Variants in PXDNL observed in about 807,000 individuals in gnomAD.
The protein encoded by PXDNL is probable oxidoreductase PXDNL.
PXDNL carries 145 observed loss-of-function variants against 150.8 expected under a neutral mutation model. That is an observed-to-expected ratio of 0.96 (90% CI 0.84 to 1.10). PXDNL has a LOEUF of 1.10. PXDNL is among the 50% of genes least tolerant of loss of function. The pLI, the probability that PXDNL is intolerant of heterozygous loss-of-function variation, is 0.00. For synonymous variants in PXDNL, 757 were observed against 725.7 expected (o/e 1.04, Z -0.69); for missense variants, 2,087 against 1,873.9 (o/e 1.11, Z -2.10).
At chr8:51,550,302 TAAAG>T (rs1164832502) in intron 4 of PXDNL, among the ~76,000 whole-genome samples, 1 of 151,874 alleles carries the variant, frequency 6.6e-6, no homozygotes, top group Non-Finnish European at 1.5e-5. Context: ...TTCCAAAAGA[TAAAG>T]AAAGAGGGAA....
chr8:51,407,307 C>CT lies in PXDNL; in HGVS notation c.3557+759dup, dbSNP rs768611712. ...TTAGTTTTGCAAAGAAAGGCCTAAT[C>CT]TTGACAATTGGCTATAGAACTTATA... On this transcript the variant is annotated intron_variant, in intron 17 of 22. Coordinates refer to ENST00000356297, the MANE Select transcript of PXDNL (RefSeq NM_144651.5). Among the ~76,000 whole-genome samples, 132 of 152,262 alleles carry CT rather than the reference C, an allele frequency of 8.7e-4. 1 individual carries two copies. In the Middle Eastern group the frequency reaches 0.014, roughly 16 times the overall value.
intron 1 of PXDNL, among the ~76,000 whole-genome samples, chr8:51,780,481 A>G (rs1296988831): frequency 6.6e-6 from 1 of 152,104 alleles, no homozygotes; most frequent in Non-Finnish European, 1.5e-5. Context: ...TTTATCCTAC[A>G]ATGAGAAACC....
chr8:51,350,453 A>G (rs2915458), intron 19 of PXDNL, among the ~76,000 whole-genome samples: 117,117 of 149,156 alleles, frequency 0.79, 46,011 homozygotes, highest in East Asian at 0.94. Context: ...TCCGCCTCCC[A>G]GGTTCAAGCG....
intron 1 of PXDNL, among the ~76,000 whole-genome samples, chr8:51,745,007 A>T (rs2036967735): frequency 8.7e-6 from 1 of 114,846 alleles, no homozygotes. Context: ...GGAGGGAAGA[A>T]AAGGAAGGAA....
chr8:51,403,977 T>C (rs922636654), intron 17 of PXDNL, among the ~76,000 whole-genome samples: 30 of 152,210 alleles, frequency 2.0e-4, no homozygotes, highest in Admixed American at 2.0e-4. Context: ...GTGGTCTCAC[T>C]GGCTTCAAGA....
chr8:51,728,652 GT>G (rs1816863989), intron 1 of PXDNL, among the ~76,000 whole-genome samples: 2 of 152,000 alleles, frequency 1.3e-5, no homozygotes, highest in Non-Finnish European at 2.9e-5. Flanking sequence ...GAGAAAATAT[GT>G]TTGTACAGCT....
At chr8:51,502,376 G>C (rs1811205188) in intron 4 of PXDNL, among the ~76,000 whole-genome samples, 3 of 152,096 alleles carry the variant, frequency 2.0e-5, no homozygotes, top group Admixed American at 2.0e-4. Context: ...TACTCCACAG[G>C]GAGAAGGAAA....
chr8:51,588,077 C>T (rs1163257999), intron 3 of PXDNL, among the ~76,000 whole-genome samples: 1 of 152,116 alleles, frequency 6.6e-6, no homozygotes, highest in Non-Finnish European at 1.5e-5. Context: ...GACATTAAAG[C>T]TGGGACAAGA....
chr8:51,543,657 A>G (rs149047858), intron 4 of PXDNL, among the ~76,000 whole-genome samples: 3 of 145,460 alleles, frequency 2.1e-5, no homozygotes, highest in Non-Finnish European at 4.5e-5. Flanking sequence ...GGTCACAGTG[A>G]GTCGAGATCA....
At chr8:51,570,448 G>A (rs1290838836) in intron 3 of PXDNL, among the ~76,000 whole-genome samples, 1 of 151,664 alleles carries the variant, frequency 6.6e-6, no homozygotes, top group Non-Finnish European at 1.5e-5. Flanking sequence ...TTGGTCTATT[G>A]TCACCAAGAG....
At chr8:51,404,818 G>A (rs552553990) in intron 17 of PXDNL, among the ~76,000 whole-genome samples, 9 of 152,326 alleles carry the variant, frequency 5.9e-5, no homozygotes, top group East Asian at 1.9e-4. Context: ...CACGCAGTGC[G>A]CCGGCACTCC....
chr8:51,737,348 TG>T (rs745704247), intron 1 of PXDNL, among the ~76,000 whole-genome samples: 12 of 152,270 alleles, frequency 7.9e-5, no homozygotes, highest in Non-Finnish European at 1.2e-4. Context: ...CAAACTTATA[TG>T]CCCAAAAAGA....
intron 1 of PXDNL, among the ~76,000 whole-genome samples, chr8:51,696,821 A>AGGTCCACACATATC (rs56211980): frequency 6.8e-6 from 1 of 145,992 alleles, no homozygotes; most frequent in Non-Finnish European, 1.5e-5. Context: ...ACACACACAC[A>AGGTCCACACATATC]CACACACACA....
At chr8:51,336,848 G>T (rs756334088) in intron 21 of PXDNL, among the ~76,000 whole-genome samples, 2 of 152,142 alleles carry the variant, frequency 1.3e-5, no homozygotes, top group African/African-American at 4.8e-5. Context: ...GTCATAGCTT[G>T]AGTAAGTCTC....
At chr8:51,340,504 C>T (rs1805957125) in intron 20 of PXDNL, among the ~76,000 whole-genome samples, 1 of 152,202 alleles carries the variant, frequency 6.6e-6, no homozygotes, top group Non-Finnish European at 1.5e-5. Context: ...AAAGTTGTTC[C>T]TTGTGAAGAA....
chr8:51,642,184 C>T (rs1814776295), intron 2 of PXDNL, among the ~76,000 whole-genome samples: 1 of 144,198 alleles, frequency 6.9e-6, no homozygotes, highest in Non-Finnish European at 1.5e-5. Flanking sequence ...GGAAGGGGAA[C>T]ATCATACTCT....
At chr8:51,537,829 C>CA (rs944636909) in intron 4 of PXDNL, among the ~76,000 whole-genome samples, 2 of 151,534 alleles carry the variant, frequency 1.3e-5, no homozygotes, top group Non-Finnish European at 1.5e-5. Flanking sequence ...ATGCGGTGCC[C>CA]AAAAAAGAGG....
intron 2 of PXDNL, among the ~76,000 whole-genome samples, chr8:51,616,642 T>C (rs1007069891): frequency 6.6e-6 from 1 of 152,222 alleles, no homozygotes; most frequent in African/African-American, 2.4e-5. Context: ...GTGTATACTT[T>C]CAGTACTCCT....
At chr8:51,684,360 A>G (rs1158743162) in intron 1 of PXDNL, among the ~76,000 whole-genome samples, 2 of 152,232 alleles carry the variant, frequency 1.3e-5, no homozygotes, top group Non-Finnish European at 2.9e-5. Context: ...ACAGTGTAAA[A>G]GGCATTAATT....
Sources: gnomAD v4.1 joint callset for allele counts (sites outside exome capture counted in the v4.1 genomes callset) on GRCh38, gnomAD v4.1.1 for gene constraint, MANE v1.5 for transcripts, NCBI Gene and HGNC (gene_info 2026-07-23, HGNC 2026-07-21) for gene names.